Variants in SEMA3A observed in about 807,000 individuals in gnomAD.
The protein encoded by SEMA3A is semaphorin 3A.
SEMA3A carries 29 observed loss-of-function variants against 97.9 expected under a neutral mutation model. The observed-to-expected ratio is 0.30, with a 90% CI of 0.22 to 0.40. SEMA3A has a LOEUF of 0.40. Among genes scored for constraint, SEMA3A ranks in the 10% least tolerant of loss-of-function variants. The pLI is 1.00. For missense variants in SEMA3A, 763 were observed against 951.3 expected (o/e 0.80, Z 2.60); for synonymous variants, 321 against 323.7 (o/e 0.99, Z 0.09).
chr7:83,996,468 A>T (rs1790225021), intron 12 of SEMA3A, among the ~76,000 whole-genome samples: 2 of 152,004 alleles, frequency 1.3e-5, no homozygotes, highest in African/African-American at 4.8e-5. Context: ...ACGCCAGGCT[A>T]ATTTTTGTAT....
At chr7:84,203,530 T>A (rs866135931) in intron 3 of SEMA3A, among the ~76,000 whole-genome samples, 19 of 73,430 alleles carry the variant, frequency 2.6e-4, no homozygotes, top group South Asian at 9.7e-4. Context: ...ATATATATTT[T>A]TTTTTTTTTT....
intron 5 of SEMA3A, among the ~76,000 whole-genome samples, chr7:84,049,664 G>A (rs529486394): frequency 4.0e-5 from 6 of 151,502 alleles, no homozygotes; most frequent in African/African-American, 1.5e-4. Context: ...GTGGTTTCTA[G>A]GCCACTAATG....
chr7:84,135,260 A>G (rs1345295417), intron 1 of SEMA3A, among the ~76,000 whole-genome samples: 1 of 151,550 alleles, frequency 6.6e-6, no homozygotes, highest in Non-Finnish European at 1.5e-5. Context: ...ACAGACATGC[A>G]CCACTATGCC....
At chr7:84,489,873 C>A (rs1806674780) in intron 1 of SEMA3A, among the ~76,000 whole-genome samples, 1 of 151,904 alleles carries the variant, frequency 6.6e-6, no homozygotes, top group African/African-American at 2.4e-5. Context: ...AAGAGAATAT[C>A]CCTTAGAATA....
intron 6 of SEMA3A, among the ~76,000 whole-genome samples, chr7:84,028,574 A>T (rs1056610023): frequency 6.6e-6 from 1 of 150,624 alleles, no homozygotes; most frequent in Admixed American, 6.6e-5. Context: ...TTACTTTTGA[A>T]AATTAAATGT....
intron 12 of SEMA3A, among the ~76,000 whole-genome samples, chr7:83,990,232 A>G (rs57206173): frequency 2.1e-4 from 32 of 152,086 alleles, no homozygotes; most frequent in South Asian, 4.1e-4. Context: ...TTTGTCAGAT[A>G]AGTAGGTTGC....
At chr7:84,050,574 A>T (rs1191732488) in intron 5 of SEMA3A, among the ~76,000 whole-genome samples, 1 of 151,616 alleles carries the variant, frequency 6.6e-6, no homozygotes, top group Non-Finnish European at 1.5e-5. Context: ...TTTTCTTGTA[A>T]ATTTGTTTGA....
At chr7:84,308,940 C>T (rs1801240455) in intron 2 of SEMA3A, among the ~76,000 whole-genome samples, 1 of 151,788 alleles carries the variant, frequency 6.6e-6, no homozygotes. Flanking sequence ...GCCTCAGTCT[C>T]CCAAGTAGCT....
intron 1 of SEMA3A, among the ~76,000 whole-genome samples, chr7:84,484,432 A>C (rs566237281): frequency 6.6e-6 from 1 of 152,234 alleles, no homozygotes; most frequent in South Asian, 2.1e-4. Context: ...CTATTTAAAC[A>C]AAATAAAAAT....
At chr7:84,223,100 G>T (rs933468028) in intron 3 of SEMA3A, among the ~76,000 whole-genome samples, 1 of 151,830 alleles carries the variant, frequency 6.6e-6, no homozygotes, top group Non-Finnish European at 1.5e-5. Context: ...GAAAAGATTT[G>T]CACCTTCATT....
At chr7:84,159,398 AT>A (rs1243278038) in intron 1 of SEMA3A, among the ~76,000 whole-genome samples, 1 of 152,142 alleles carries the variant, frequency 6.6e-6, no homozygotes, top group African/African-American at 2.4e-5. Flanking sequence ...GTACCTTTTT[AT>A]TTTTAAGTAA....
chr7:84,423,380 A>C (rs1489659232), intron 1 of SEMA3A, among the ~76,000 whole-genome samples: 1 of 152,000 alleles, frequency 6.6e-6, no homozygotes, highest in African/African-American at 2.4e-5. Flanking sequence ...TACTGGGCAT[A>C]TTTCTGCCTT....
intron 15 of SEMA3A, among the ~76,000 whole-genome samples, chr7:83,965,052 A>C (rs150727330): frequency 6.6e-6 from 1 of 152,084 alleles, no homozygotes; most frequent in South Asian, 2.1e-4. Context: ...TGCTATTTAC[A>C]TTGAATACTT....
At chr7:84,400,029 C>A (rs531139341) in intron 1 of SEMA3A, among the ~76,000 whole-genome samples, 1 of 152,176 alleles carries the variant, frequency 6.6e-6, no homozygotes, top group African/African-American at 2.4e-5. Flanking sequence ...CCCATCAGGG[C>A]TGGGCATTTA....
chr7:84,418,810 C>G (rs1804504652), intron 1 of SEMA3A, among the ~76,000 whole-genome samples: 1 of 151,936 alleles, frequency 6.6e-6, no homozygotes, highest in Non-Finnish European at 1.5e-5. Context: ...GCTGGTTTCT[C>G]TCTTTCCCAA....
intron 6 of SEMA3A, among the ~76,000 whole-genome samples, chr7:84,034,558 G>A (rs182370257): frequency 6.6e-6 from 1 of 152,178 alleles, no homozygotes; most frequent in African/African-American, 2.4e-5. Flanking sequence ...ACAAATACAT[G>A]CTCTCTGTTG....
intron 3 of SEMA3A, among the ~76,000 whole-genome samples, chr7:84,127,619 A>G (rs1365367644): frequency 6.6e-6 from 1 of 152,188 alleles, no homozygotes; most frequent in Non-Finnish European, 1.5e-5. Flanking sequence ...GCTAATGTAC[A>G]GGTATTAAGG....
At chr7:84,063,681 G>A (rs1444116945) in intron 4 of SEMA3A, among the ~76,000 whole-genome samples, 1 of 151,358 alleles carries the variant, frequency 6.6e-6, no homozygotes, top group Non-Finnish European at 1.5e-5. Context: ...GATGGAAGAT[G>A]AAATGAATGA....
chr7:84,174,449 T>C (rs1208677557), intron 1 of SEMA3A, among the ~76,000 whole-genome samples: 1 of 152,196 alleles, frequency 6.6e-6, no homozygotes, highest in Non-Finnish European at 1.5e-5. Context: ...CAACCAGCAA[T>C]CATTTAGAAG....
Sources: allele counts gnomAD v4.1 joint callset (sites outside exome capture counted in the v4.1 genomes callset), GRCh38; gene constraint gnomAD v4.1.1; transcripts MANE v1.5; gene names NCBI Gene and HGNC (gene_info 2026-07-23, HGNC 2026-07-21).